The following KRT34 variants were observed in gnomAD, a reference collection of about 807,000 sequenced individuals.
KRT34 encodes keratin 34, also known as keratin, type I cuticular Ha4.
KRT34 carries 31 observed loss-of-function variants against 41.7 expected under a neutral mutation model. That is an observed-to-expected ratio of 0.74 (90% CI 0.56 to 1.00). The LOEUF is 1.00. KRT34 is among the 50% of genes least tolerant of loss of function. The pLI is 0.00. For synonymous variants in KRT34, 224 were observed against 212.9 expected, an observed-to-expected ratio of 1.05 and a Z score of -0.45; for missense variants, 523 against 500.3, an observed-to-expected ratio of 1.05 and a Z score of -0.43.
At position 41,377,845 on chromosome 17, in the gene KRT34, GA is replaced by G. The variant is rs2017872880; in HGVS notation, c.*213del. 54 of 524,836 alleles carry G rather than the reference GA, an allele frequency of 1.0e-4. No homozygotes were observed. In the East Asian group the frequency reaches 1.5e-3, roughly 15 times the overall value. 32.5% of individuals were successfully genotyped at this position (524,836 alleles called of 1,614,324 possible). On this transcript the variant is annotated 3_prime_UTR_variant, in exon 7 of 7. Coordinates refer to ENST00000394001, the MANE Select transcript of KRT34 (RefSeq NM_001386014.1). ...AACATCTTTAGAAACAAACAGGCTC[GA>G]CCCTCAACAGGAAGGAGTTGTCCAG...
intron 2 of KRT34, 50 bp downstream of exon 2, chr17:41,381,663 A>C: frequency 1.4e-6 from 2 of 1,467,700 alleles, no homozygotes; most frequent in South Asian, 2.3e-5. Context: ...AGGCAATAGT[A>C]GGTCCCTAGG....
chr17:41,381,727 G>A lies in KRT34; in HGVS notation c.417C>T (p.Asp139=), dbSNP rs199776619. 6.8e-5 allele frequency: 110 copies of A among 1,614,110 alleles called. No individual in the cohort carries two copies. Among genetic ancestry groups the A allele is most frequent in the Middle Eastern group, 1.6e-4 (1 of 6,062 alleles). ...GTTCAACATACTTGCTTCTGAAGTC[G>A]TCAGAGGCCAGCTTGGCATTGTCAA... ...VNIDNAKLAS[D]DFRSKYQTEQ... The change falls in exon 2 of 7, where the codon GAC becomes GAT. Residue 139 remains aspartate, a synonymous_variant. Coordinates refer to ENST00000394001, the MANE Select transcript of KRT34 (RefSeq NM_001386014.1).
chr17:41,378,655 A>G (rs2017900006), intron 6 of KRT34, among the ~76,000 whole-genome samples: 1 of 152,112 alleles, frequency 6.6e-6, no homozygotes, highest in Non-Finnish European at 1.5e-5. Flanking sequence ...AGGTGGAAAA[A>G]TTGTGCTTTT....
chr17:41,383,091 C>T (rs2018028849), upstream of KRT34, among the ~76,000 whole-genome samples: 1 of 151,800 alleles, frequency 6.6e-6, no homozygotes, highest in Non-Finnish European at 1.5e-5. Context: ...ACGATCTCGG[C>T]TCACTGCAAC....
upstream of KRT34, among the ~76,000 whole-genome samples, chr17:41,383,169 C>T (rs1386042806): frequency 6.6e-6 from 1 of 152,094 alleles, no homozygotes; most frequent in Non-Finnish European, 1.5e-5. Context: ...CAGGTGCCCG[C>T]CACCACACCC....
rs2017874976 is a variant in KRT34, at chr17:41,377,950, A to T, written c.*109T>A. Reference sequence around the variant, plus strand: ...ATTCTAGAAATAACATAGAGGCAAGATGAGGTTTCTTGATGTCAGCTGAGC... The same window carrying T: ...ATTCTAGAAATAACATAGAGGCAAGTTGAGGTTTCTTGATGTCAGCTGAGC... On this transcript the variant is annotated 3_prime_UTR_variant, in exon 7 of 7. Transcript: ENST00000394001. The T allele has an allele frequency of 4.0e-6, 3 of 744,548 alleles. No individual in the cohort carries two copies. Among genetic ancestry groups the T allele is most frequent in the African/African-American group, 1.7e-5 (1 of 58,788 alleles). 46.1% of individuals were successfully genotyped at this position (744,548 alleles called of 1,614,324 possible).
In KRT34 at chr17:41,382,090, T is replaced by G. The variant is rs781749096; in HGVS notation, c.157A>C (p.Asn53His). The change falls in exon 1 of 7, where the codon AAT becomes CAT. Residue 53 changes from asparagine to histidine, a missense_variant. Physicochemically the swap from Asn to His is moderately conservative, Grantham distance 68 (BLOSUM62 1). Coordinates refer to ENST00000394001, the MANE Select transcript of KRT34 (RefSeq NM_001386014.1). Reference protein sequence around the residue: ...NCNWFCEGSFNGSEKETMQFL... With the variant: ...NCNWFCEGSFHGSEKETMQFL... ...TGCATAGTCTCCTTCTCGCTGCCATTGAAGGAGCCCTCACAGAACCAGTTG... is the reference window on the plus strand; with the variant it reads ...TGCATAGTCTCCTTCTCGCTGCCATGGAAGGAGCCCTCACAGAACCAGTTG... 5.6e-6 allele frequency: 9 copies of G among 1,612,680 alleles called. No homozygotes were observed. The South Asian group carries it at 9.9e-5, about 18-fold the overall frequency.
upstream of KRT34, chr17:41,382,485 A>G: frequency 1.1e-6 from 1 of 889,918 alleles, no homozygotes; most frequent in East Asian, 2.6e-5. Context: ...ATGTCACACC[A>G]GGCTCTTCCT....
At chr17:41,381,441 C>T (rs138388920) in intron 2 of KRT34, among the ~76,000 whole-genome samples, 45 of 152,326 alleles carry the variant, frequency 3.0e-4, no homozygotes, top group African/African-American at 9.6e-4. Flanking sequence ...TCACTGTGTT[C>T]TCGGTTTTGT....
chr17:41,378,201 A>T, intron 6 of KRT34, 55 bp from the exon 7 acceptor site: 1 of 1,134,066 alleles, frequency 8.8e-7, no homozygotes, highest in Non-Finnish European at 1.3e-6. Flanking sequence ...AATGCACACA[A>T]TACCTTGGGC....
intron 3 of KRT34, among the ~76,000 whole-genome samples, chr17:41,380,173 C>G (rs2017949944): frequency 6.6e-6 from 1 of 151,998 alleles, no homozygotes; most frequent in Non-Finnish European, 1.5e-5. Flanking sequence ...GCAAGTGAAT[C>G]ACTTGAACCA....
chr17:41,382,182 A>G lies in KRT34; in HGVS notation c.65T>C (p.Val22Ala), dbSNP rs1220501021. 2 of 1,612,362 alleles carry G rather than the reference A, an allele frequency of 1.2e-6. No individual in the cohort carries two copies. Among genetic ancestry groups the G allele is most frequent in the Non-Finnish European group, 1.7e-6 (2 of 1,180,018 alleles). Residue 22 changes from valine to alanine, a missense_variant, in exon 1 of 7, where the codon GTG (valine) becomes GCG (alanine). Coordinates refer to ENST00000394001, the MANE Select transcript of KRT34 (RefSeq NM_001386014.1). The stretch of plus-strand genomic sequence containing the variant: ...GGTGTAGCCGTGGCAGCTGGGGGGC[A>G]CGCAGGGCCGGGAGGAGCAGCTGGT... The part of the protein sequence containing the change: ...CRTSCSSRPC[V>A]PPSCHGYTLP...
At chr17:41,380,807 C>T (rs1020419908) in intron 3 of KRT34, among the ~76,000 whole-genome samples, 1 of 152,170 alleles carries the variant, frequency 6.6e-6, no homozygotes, top group Non-Finnish European at 1.5e-5. Context: ...CAGTGATCAG[C>T]AGAGAGCAGG....
chr17:41,379,432 T>A lies in KRT34; in HGVS notation c.797A>T (p.Gln266Leu), dbSNP rs1466656815. 2 of 1,614,128 alleles carry A rather than the reference T, an allele frequency of 1.2e-6. No homozygotes were observed. The highest frequency in any genetic ancestry group is 2.2e-5 in the East Asian group (1 of 44,878). The stretch of plus-strand genomic sequence containing the variant: ...CTCGATGATCTCCGCCTGGCAGGAC[T>A]GCAGCTGCTCTGAGCTGGATACCAC... Reference protein sequence around the residue: ...KQVVSSSEQLQSCQAEIIELR... With the variant: ...KQVVSSSEQLLSCQAEIIELR... Residue 266 changes from glutamine (Q) to leucine (L), a missense_variant, in exon 5 of 7, where the codon CAG (glutamine) becomes CTG (leucine). Gln to Leu is a moderately radical substitution (Grantham distance 113, BLOSUM62 -2). Coordinates refer to ENST00000394001, the MANE Select transcript of KRT34 (RefSeq NM_001386014.1).
intron 3 of KRT34, among the ~76,000 whole-genome samples, chr17:41,380,353 T>A (rs567357364): frequency 1.3e-5 from 2 of 152,306 alleles, no homozygotes; most frequent in African/African-American, 4.8e-5. Context: ...ACGTCAATTG[T>A]TGTCCCATAG....
rs895141786 is a variant in KRT34, at chr17:41,381,956, G to A, written c.291C>T (p.Pro97=). The change falls in exon 1 of 7, where the codon CCC becomes CCT. Residue 97 remains proline, a synonymous_variant. Transcript: ENST00000394001. ...LIQERSQQQE[P]LLCPSYQSYF... ...AGGACTGGTAGCTGGGGCACAGCAA[G>A]GGCTCCTGCTGCTGGGACCGCTCCT... 7 of 1,614,156 alleles carry A rather than the reference G, an allele frequency of 4.3e-6. No homozygotes were observed. The Admixed American group carries it at 1.0e-4, about 23-fold the overall frequency.
At chr17:41,380,215 C>T (rs916443405) in intron 3 of KRT34, among the ~76,000 whole-genome samples, 8 of 151,260 alleles carry the variant, frequency 5.3e-5, no homozygotes, top group Non-Finnish European at 1.2e-4. Flanking sequence ...GCCTAGATCA[C>T]GCCACTGCAC....
rs748852948 is a variant in KRT34 at position 41,379,697 on chromosome 17, C to T, written c.623G>A (p.Arg208His). Residue 208 changes from arginine (R) to histidine (H), a missense_variant, in exon 4 of 7, where the codon CGC becomes CAC. Physicochemically the swap from Arg to His is conservative, Grantham distance 29 (BLOSUM62 0). Transcript: ENST00000394001. Reference sequence around the variant, plus strand: ...GGCAGTGTCCACCTCCACGTTGAGGCGGTCTCCAAGCTGGGAGCGCAGGGT... The same window carrying T: ...GGCAGTGTCCACCTCCACGTTGAGGTGGTCTCCAAGCTGGGAGCGCAGGGT... ...VNTLRSQLGD[R>H]LNVEVDTAPT... The T allele has an allele frequency of 8.7e-6, 14 of 1,612,274 alleles. No homozygotes were observed. The highest frequency in any genetic ancestry group is 6.7e-5 in the African/African-American group (5 of 74,860).
Position 41,379,144 on chromosome 17 carries a change from G to A in KRT34, c.909C>T (p.Ser303=), listed in dbSNP as rs145538860. Residue 303 remains serine (S), a synonymous_variant, in exon 6 of 7, where the codon AGC becomes AGT. Coordinates refer to ENST00000394001, the MANE Select transcript of KRT34 (RefSeq NM_001386014.1). ...ACAGCTGGGAGCTGTAGTGGGCCTCGCTCTCCGTCAGCGTGTTTTCCAGAG... is the reference window on the plus strand; with the variant it reads ...ACAGCTGGGAGCTGTAGTGGGCCTCACTCTCCGTCAGCGTGTTTTCCAGAG... ...RDSLENTLTE[S]EAHYSSQLSQ... 448 of 1,614,190 alleles carry A rather than the reference G, an allele frequency of 2.8e-4. No individual in the cohort carries two copies. In the African/African-American group the frequency reaches 3.8e-3, roughly 14 times the overall value.
Sources: gnomAD v4.1 joint callset for allele counts (sites outside exome capture counted in the v4.1 genomes callset) on GRCh38, gnomAD v4.1.1 for gene constraint, MANE v1.5 for transcripts, NCBI Gene and HGNC (gene_info 2026-07-23, HGNC 2026-07-21) for gene names.